SLC17A8: variants seen among roughly 807,000 people sequenced by gnomAD.
SLC17A8 encodes vesicular glutamate transporter 3.
In SLC17A8, 31 loss-of-function variants were observed where a neutral mutation model predicts 58.0. The ratio of observed to expected loss-of-function variants is 0.53; its 90% CI spans 0.40 to 0.72. The LOEUF (loss-of-function observed/expected upper bound fraction) is 0.72. SLC17A8 is among the 30% of genes least tolerant of loss of function. The pLI is 0.00. For missense variants in SLC17A8, 655 were observed against 727.8 expected, an observed-to-expected ratio of 0.90 and a Z score of 1.15; for synonymous variants, 228 against 249.0, an observed-to-expected ratio of 0.92 and a Z score of 0.79.
intron 9 of SLC17A8, among the ~76,000 whole-genome samples, chr12:100,406,778 C>T (rs142162125): frequency 0.044 from 6,736 of 152,176 alleles, 357 homozygotes; most frequent in East Asian, 0.23. Flanking sequence ...TCAAGTAATC[C>T]GCCCGCCTCG....
rs909205730 is a variant in SLC17A8 at position 100,381,030 on chromosome 12, G to C, written c.354+77G>C. Reference sequence around the variant, plus strand: ...TCGGTCTCCCAGGCTAGAGTACAGTGGCACGATCTTGGCTTACTGCAGCCC... The same window carrying C: ...TCGGTCTCCCAGGCTAGAGTACAGTCGCACGATCTTGGCTTACTGCAGCCC... On this transcript the variant is annotated intron_variant, in intron 2 of 11. Coordinates refer to ENST00000323346, the MANE Select transcript of SLC17A8 (RefSeq NM_139319.3). 15 of 1,570,922 alleles carry C rather than the reference G, an allele frequency of 9.5e-6. No homozygotes were observed. In the African/African-American group the frequency reaches 2.0e-4, roughly 21 times the overall value.
rs1175621698 is a variant in SLC17A8 at position 100,418,104 on chromosome 12, C to T, written c.1373C>T (p.Thr458Ile). ...ILMGISNGVG[T>I]LSGMVCPLIV... ...ATGGGGATCTCAAACGGAGTGGGAACCCTCTCTGGAATGGTCTGTCCCCTC... is the reference window on the plus strand; with the variant it reads ...ATGGGGATCTCAAACGGAGTGGGAATCCTCTCTGGAATGGTCTGTCCCCTC... The change falls in exon 11 of 12, where the codon ACC becomes ATC. Residue 458 changes from threonine to isoleucine, a missense_variant. Coordinates refer to ENST00000323346, the MANE Select transcript of SLC17A8 (RefSeq NM_139319.3). 5 of 1,614,030 alleles carry T rather than the reference C, an allele frequency of 3.1e-6. No individual in the cohort carries two copies. The highest frequency in any genetic ancestry group is 4.2e-6 in the Non-Finnish European group (5 of 1,180,030).
chr12:100,380,955 T>C lies in SLC17A8; in HGVS notation c.354+2T>C. ...GTTGATGGAAAACCGGAAATTCAGG[T>C]TGGTATCAGTCCATGGTGGAAGACT... is the stretch of plus-strand genomic sequence containing the variant. On this transcript the variant is annotated splice_donor_variant, in intron 2 of 11. Coordinates refer to ENST00000323346, the MANE Select transcript of SLC17A8 (RefSeq NM_139319.3). LOFTEE classifies it high-confidence loss of function. The C allele has an allele frequency of 6.2e-7, 1 of 1,613,954 alleles. No individual in the cohort carries two copies. The highest frequency in any genetic ancestry group is 8.5e-7 in the Non-Finnish European group (1 of 1,180,018).
At chr12:100,395,725 G>T (rs1403426654) in intron 4 of SLC17A8, among the ~76,000 whole-genome samples, 1 of 151,936 alleles carries the variant, frequency 6.6e-6, no homozygotes, top group African/African-American at 2.4e-5. Context: ...CGATTCTTGT[G>T]CCTCAGCCTC....
chr12:100,364,957 G>A (rs1592986333), intron 1 of SLC17A8, among the ~76,000 whole-genome samples: 1 of 152,266 alleles, frequency 6.6e-6, no homozygotes, highest in African/African-American at 2.4e-5. Context: ...GACCAGCTCT[G>A]GACCAAACTA....
chr12:100,396,106 C>T (rs995597397), intron 4 of SLC17A8, among the ~76,000 whole-genome samples: 6 of 152,166 alleles, frequency 3.9e-5, no homozygotes, highest in African/African-American at 1.4e-4. Flanking sequence ...AGGGCTACAC[C>T]CTTATTACTT....
intron 6 of SLC17A8, 64 bp from the exon 7 acceptor site, chr12:100,402,276 T>A (rs1378513434): frequency 6.3e-7 from 1 of 1,595,292 alleles, no homozygotes; most frequent in East Asian, 2.2e-5. Context: ...TGGTAAAAAT[T>A]GAAAAATTTA....
At position 100,391,148 on chromosome 12, in the gene SLC17A8, A is replaced by G. The variant is rs748734106; in HGVS notation, c.473+29A>G. On this transcript the variant is annotated intron_variant, in intron 3 of 11. Transcript: ENST00000323346. ...AGATAAATTGATATAACATGATACA[A>G]ACCAATGAAATGTGGCTTTGTACCT... 5.5e-6 allele frequency: 8 copies of G among 1,452,994 alleles called. No individual in the cohort carries two copies. In the Admixed American group the frequency reaches 1.2e-4, roughly 21 times the overall value. 90.0% of individuals were successfully genotyped at this position (1,452,994 alleles called of 1,614,324 possible).
intron 9 of SLC17A8, among the ~76,000 whole-genome samples, chr12:100,407,419 T>C (rs1432225632): frequency 6.6e-6 from 1 of 152,182 alleles, no homozygotes; most frequent in Non-Finnish European, 1.5e-5. Flanking sequence ...TGTTATGTTG[T>C]GGTGATGAGA....
At chr12:100,383,347 T>C (rs986377981) in intron 2 of SLC17A8, among the ~76,000 whole-genome samples, 8 of 152,202 alleles carry the variant, frequency 5.3e-5, no homozygotes, top group African/African-American at 1.7e-4. Flanking sequence ...ATCTGAAATA[T>C]GGTTTAAATT....
intron 2 of SLC17A8, among the ~76,000 whole-genome samples, chr12:100,385,773 C>T (rs930221196): frequency 6.6e-6 from 1 of 152,102 alleles, no homozygotes; most frequent in Admixed American, 6.5e-5. Context: ...CTAAGGCTGC[C>T]GTAACATATT....
At chr12:100,370,349 G>T (rs1388446990) in intron 1 of SLC17A8, among the ~76,000 whole-genome samples, 1 of 151,900 alleles carries the variant, frequency 6.6e-6, no homozygotes, top group Admixed American at 6.6e-5. Context: ...CTAGGCTGGA[G>T]TGCAAAGGCA....
At chr12:100,366,656 G>T (rs1209293786) in intron 1 of SLC17A8, among the ~76,000 whole-genome samples, 1 of 152,154 alleles carries the variant, frequency 6.6e-6, no homozygotes, top group Non-Finnish European at 1.5e-5. Flanking sequence ...GGAACCTTCG[G>T]TCTTCTCCTT....
chr12:100,371,338 T>C (rs1952557403), intron 1 of SLC17A8, among the ~76,000 whole-genome samples: 1 of 152,068 alleles, frequency 6.6e-6, no homozygotes, highest in Non-Finnish European at 1.5e-5. Flanking sequence ...GTACTGTCTG[T>C]CTCCAGGGCA....
intron 1 of SLC17A8, among the ~76,000 whole-genome samples, chr12:100,373,654 G>A (rs1179692230): frequency 4.8e-5 from 7 of 147,046 alleles, no homozygotes; most frequent in East Asian, 2.0e-4. Context: ...GCACCATCTC[G>A]GCTCACTGCA....
intron 9 of SLC17A8, among the ~76,000 whole-genome samples, chr12:100,412,088 T>G (rs1952872736): frequency 6.6e-6 from 1 of 151,902 alleles, no homozygotes; most frequent in Non-Finnish European, 1.5e-5. Flanking sequence ...TATAGTAGAG[T>G]TTTAGTATTT....
intron 9 of SLC17A8, chr12:100,410,731 G>GT (rs1318672699): frequency 1.3e-5 from 2 of 152,248 alleles, no homozygotes; most frequent in Non-Finnish European, 2.9e-5. Context: ...AACTAAAGCA[G>GT]TGACAGGGGA....
intron 11 of SLC17A8, 49 bp downstream of exon 11, chr12:100,418,205 C>T: frequency 6.7e-7 from 1 of 1,501,570 alleles, no homozygotes; most frequent in Non-Finnish European, 8.9e-7. Flanking sequence ...AGGACTGGAG[C>T]TCTACACAAA....
chr12:100,384,662 G>A (rs751253391), intron 2 of SLC17A8, among the ~76,000 whole-genome samples: 1 of 152,192 alleles, frequency 6.6e-6, no homozygotes, highest in African/African-American at 2.4e-5. Flanking sequence ...GGTCTGTGGT[G>A]TATGTGTGCA....
Sources: gnomAD v4.1 joint callset for allele counts (sites outside exome capture counted in the v4.1 genomes callset) on GRCh38, gnomAD v4.1.1 for gene constraint, MANE v1.5 for transcripts, NCBI Gene and HGNC (gene_info 2026-07-23, HGNC 2026-07-21) for gene names.